Variants in DPP6 observed in about 807,000 individuals in gnomAD.
DPP6 encodes the protein A-type potassium channel modulatory protein DPP6.
In DPP6, 69 loss-of-function variants were observed where a neutral mutation model predicts 122.6. The observed-to-expected ratio is 0.56, with a 90% CI of 0.46 to 0.69. The LOEUF (loss-of-function observed/expected upper bound fraction) is 0.69, where lower values mean the gene tolerates loss of function less well. DPP6 is among the 30% of genes least tolerant of loss of function. The pLI is 0.00. For synonymous variants in DPP6, 418 were observed against 433.1 expected (o/e 0.97, Z 0.43); for missense variants, 928 against 1,116.9 (o/e 0.83, Z 2.41).
chr7:153,800,764 T>C, the DPP6 span, among the ~76,000 whole-genome samples: 1 of 151,768 alleles, frequency 6.6e-6, no homozygotes, highest in Non-Finnish European at 1.5e-5. Flanking sequence ...TGATCTACCC[T>C]CCTTGGCCTC....
chr7:153,911,933 T>C (rs533909237), intron 1 of DPP6, among the ~76,000 whole-genome samples: 1 of 152,382 alleles, frequency 6.6e-6, no homozygotes, highest in Admixed American at 6.5e-5. Context: ...AATCAGATGC[T>C]GTATAGCCTA....
intron 1 of DPP6, among the ~76,000 whole-genome samples, chr7:154,181,503 G>T (rs979496395): frequency 6.6e-6 from 1 of 152,142 alleles, no homozygotes; most frequent in Non-Finnish European, 1.5e-5. Flanking sequence ...CTTAAATAAA[G>T]ATCCTGAAAC....
chr7:154,756,612 T>C (rs753359196), intron 8 of DPP6, among the ~76,000 whole-genome samples: 2 of 152,022 alleles, frequency 1.3e-5, no homozygotes, highest in Non-Finnish European at 2.9e-5. Context: ...CCTGAGGCCA[T>C]GCTGCTGCCT....
intron 1 of DPP6, among the ~76,000 whole-genome samples, chr7:153,903,952 T>C (rs1441061116): frequency 6.6e-6 from 1 of 152,178 alleles, no homozygotes; most frequent in Non-Finnish European, 1.5e-5. Flanking sequence ...AATCATCCTA[T>C]GTGTGACAAG....
In DPP6 at chr7:154,154,214, A is replaced by G. The variant is rs1292448131; in HGVS notation, c.243+101151A>G. Among the ~76,000 whole-genome samples, 3 of 152,374 alleles carry G rather than the reference A, an allele frequency of 2.0e-5. No homozygotes were observed. In the East Asian group the frequency reaches 5.8e-4, roughly 29 times the overall value. ...GAACTATTCCTTATATTGTGGAAAT[A>G]TTCCATACTTCGCTGGGATATTTTC... is the stretch of plus-strand genomic sequence containing the variant. On this transcript the variant is annotated intron_variant, in intron 1 of 25. Coordinates refer to ENST00000377770, the MANE Select transcript of DPP6 (RefSeq NM_130797.4).
At chr7:154,799,936 A>G (rs1465577502) in intron 12 of DPP6, among the ~76,000 whole-genome samples, 2 of 152,242 alleles carry the variant, frequency 1.3e-5, no homozygotes, top group Admixed American at 6.5e-5. Context: ...TTTCCCTGAC[A>G]AGGTAGAGAT....
chr7:154,411,390 C>T (rs1266999798), intron 1 of DPP6, among the ~76,000 whole-genome samples: 1 of 152,130 alleles, frequency 6.6e-6, no homozygotes, highest in Non-Finnish European at 1.5e-5. Context: ...CAGGCATACA[C>T]CACCATGCCC....
At chr7:153,972,424 G>T (rs1177425954) in intron 1 of DPP6, among the ~76,000 whole-genome samples, 3 of 152,114 alleles carry the variant, frequency 2.0e-5, no homozygotes, top group Non-Finnish European at 2.9e-5. Flanking sequence ...TTTGTGTGAA[G>T]CATGGGGCTA....
chr7:153,918,473 C>T (rs1336653443), intron 1 of DPP6, among the ~76,000 whole-genome samples: 4 of 129,970 alleles, frequency 3.1e-5, no homozygotes, highest in African/African-American at 1.2e-4. Flanking sequence ...CACACTCTCT[C>T]TCTCTCTCTC....
At chr7:153,857,904 G>A in the DPP6 span, among the ~76,000 whole-genome samples, 2 of 152,164 alleles carry the variant, frequency 1.3e-5, no homozygotes, top group Non-Finnish European at 2.9e-5. Flanking sequence ...ATGAAGAACA[G>A]GTTGAAGAAA....
At position 154,804,606 on chromosome 7, in the gene DPP6, T is replaced by C. The variant is rs1798576808; in HGVS notation, c.1500-311T>C. Among the ~76,000 whole-genome samples the C allele has an allele frequency of 3.9e-5, 6 of 152,216 alleles. No individual in the cohort carries two copies. In the South Asian group the frequency reaches 1.2e-3, roughly 31 times the overall value. Reference sequence around the variant, plus strand: ...CTTGCCCTTCAGAAGGTGAGTGATCTTGTAAAAGATTTCCACATCCACATT... The same window carrying C: ...CTTGCCCTTCAGAAGGTGAGTGATCCTGTAAAAGATTTCCACATCCACATT... On this transcript the variant is annotated intron_variant, in intron 14 of 25. Transcript: ENST00000377770.
In DPP6 at chr7:154,801,076, C is replaced by T. The variant is rs11243317; in HGVS notation, c.1300-279C>T. On this transcript the variant is annotated intron_variant, in intron 12 of 25. Transcript: ENST00000377770. The stretch of plus-strand genomic sequence containing the variant: ...AGCTTGGCGTGCACATGGGGCTGGG[C>T]TTTGTCTCGGTGCTGTGTAGACTGA... 0.68 allele frequency among the ~76,000 whole-genome samples: 103,908 copies of T among 151,734 alleles called. 36,534 individuals carry two copies. The highest frequency in any genetic ancestry group is 0.78 in the Non-Finnish European group (53,043 of 67,938).
chr7:154,055,046 G>A lies in DPP6; in HGVS notation c.243+1983G>A, dbSNP rs185014107. On this transcript the variant is annotated intron_variant, in intron 1 of 25. Coordinates refer to ENST00000377770, the MANE Select transcript of DPP6 (RefSeq NM_130797.4). ...GATATAACATGTACATTTGTTAATG[G>A]GGTTCTAAACAGCATCTCTAACTTA... is the stretch of plus-strand genomic sequence containing the variant. 9.3e-5 allele frequency among the ~76,000 whole-genome samples: 14 copies of A among 151,068 alleles called. No homozygotes were observed. In the East Asian group the frequency reaches 2.7e-3, roughly 29 times the overall value.
intron 5 of DPP6, chr7:154,587,573 C>A: frequency 6.9e-7 from 1 of 1,453,902 alleles, no homozygotes; most frequent in South Asian, 1.4e-5. Flanking sequence ...ACTTCCCATG[C>A]CCCAAAATAG....
intron 6 of DPP6, among the ~76,000 whole-genome samples, chr7:154,645,944 C>T (rs1005079215): frequency 2.3e-4 from 32 of 137,272 alleles, no homozygotes; most frequent in Non-Finnish European, 4.4e-4. Context: ...AGGAGAATGG[C>T]GTGAACCCGG....
At chr7:154,386,885 A>C (rs1814159812) in intron 1 of DPP6, among the ~76,000 whole-genome samples, 1 of 152,136 alleles carries the variant, frequency 6.6e-6, no homozygotes, top group South Asian at 2.1e-4. Context: ...AAGTGCATGG[A>C]GCCAGGCTGT....
intron 5 of DPP6, among the ~76,000 whole-genome samples, chr7:154,574,397 GTGGT>G (rs1831334756): frequency 7.6e-6 from 1 of 131,046 alleles, no homozygotes; most frequent in African/African-American, 2.9e-5. Flanking sequence ...GTGTATGTGT[GTGGT>G]GTGTGTATGT....
chr7:154,423,482 C>A (rs1817653206), intron 1 of DPP6, among the ~76,000 whole-genome samples: 1 of 152,028 alleles, frequency 6.6e-6, no homozygotes, highest in Non-Finnish European at 1.5e-5. Context: ...ACAGCCAGGG[C>A]CATCCTAGGA....
chr7:153,847,858 C>T, the DPP6 span, among the ~76,000 whole-genome samples: 1 of 152,128 alleles, frequency 6.6e-6, no homozygotes, highest in Admixed American at 6.5e-5. Context: ...TATATGCAGA[C>T]TTTTGTCCCC....
Sources: allele counts gnomAD v4.1 joint callset (sites outside exome capture counted in the v4.1 genomes callset), GRCh38; gene constraint gnomAD v4.1.1; transcripts MANE v1.5; gene names NCBI Gene and HGNC (gene_info 2026-07-23, HGNC 2026-07-21).